KCTD8: variants seen among roughly 807,000 people sequenced by gnomAD.
The protein encoded by KCTD8 is potassium channel tetramerization domain containing 8.
In KCTD8, 27 loss-of-function variants were observed where a neutral mutation model predicts 31.5. The ratio of observed to expected loss-of-function variants is 0.86; its 90% confidence interval spans 0.63 to 1.18. The LOEUF (loss-of-function observed/expected upper bound fraction) is 1.18. Ranked by LOEUF, KCTD8 falls within the 50% of genes most tolerant of loss-of-function variation. The pLI is 0.00. For missense variants in KCTD8, 658 were observed against 647.7 expected (o/e 1.02, Z -0.17); for synonymous variants, 290 against 280.0 (o/e 1.04, Z -0.36).
chr4:44,199,180 G>C (rs1714044089), intron 1 of KCTD8, among the ~76,000 whole-genome samples: 1 of 151,960 alleles, frequency 6.6e-6, no homozygotes, highest in African/African-American at 2.4e-5. Context: ...AAAAGACATG[G>C]ACAACCACAC....
chr4:44,311,933 A>G (rs184251603), intron 1 of KCTD8, among the ~76,000 whole-genome samples: 2 of 151,410 alleles, frequency 1.3e-5, no homozygotes, highest in Admixed American at 6.6e-5. Flanking sequence ...ACCTGTGGTC[A>G]TAACTAGACT....
intron 1 of KCTD8, among the ~76,000 whole-genome samples, chr4:44,316,795 G>GGAA: frequency 2.5e-5 from 1 of 40,358 alleles, no homozygotes; most frequent in Non-Finnish European, 6.5e-5. Context: ...CTAAAAATAC[G>GGAA]AAAAAAAAAA....
chr4:44,311,282 C>T (rs1717943531), intron 1 of KCTD8, among the ~76,000 whole-genome samples: 1 of 152,028 alleles, frequency 6.6e-6, no homozygotes, highest in Non-Finnish European at 1.5e-5. Context: ...TCTCTCTCCC[C>T]ACCTTAATTT....
At chr4:44,337,950 G>C (rs983249412) in intron 1 of KCTD8, among the ~76,000 whole-genome samples, 3 of 151,870 alleles carry the variant, frequency 2.0e-5, no homozygotes, top group African/African-American at 4.8e-5. Flanking sequence ...ATGGATATGA[G>C]TGCTTAAGTA....
chr4:44,176,014 G>T (rs1268687020), intron 1 of KCTD8, among the ~76,000 whole-genome samples: 1 of 152,174 alleles, frequency 6.6e-6, no homozygotes, highest in African/African-American at 2.4e-5. Context: ...AATTCACAGT[G>T]TGTTTCCAAA....
At chr4:44,334,140 A>G (rs936102444) in intron 1 of KCTD8, among the ~76,000 whole-genome samples, 4 of 152,144 alleles carry the variant, frequency 2.6e-5, no homozygotes, top group Non-Finnish European at 4.4e-5. Context: ...GAGAGATACC[A>G]TAAATTTTTT....
At chr4:44,249,174 T>C (rs373403373) in intron 1 of KCTD8, among the ~76,000 whole-genome samples, 2 of 151,792 alleles carry the variant, frequency 1.3e-5, no homozygotes, top group African/African-American at 4.8e-5. Flanking sequence ...GCATGAATTA[T>C]AAAGTAAGAA....
In KCTD8 at chr4:44,192,522, GATAA is replaced by G. The variant is rs1354385002; in HGVS notation, c.962-17276_962-17273del. Among the ~76,000 whole-genome samples the G allele has an allele frequency of 6.1e-5, 9 of 147,468 alleles. No individual in the cohort carries two copies. The South Asian group carries it at 8.5e-4, about 14-fold the overall frequency. On this transcript the variant is annotated intron_variant, in intron 1 of 1. Coordinates refer to ENST00000360029, the MANE Select transcript of KCTD8 (RefSeq NM_198353.3). The stretch of plus-strand genomic sequence containing the variant: ...CACACACACACACACACACAGAACT[GATAA>G]ATAATTATGCAAGTGTGGTTAAACA...
chr4:44,259,740 C>T (rs1716106317), intron 1 of KCTD8, among the ~76,000 whole-genome samples: 1 of 151,780 alleles, frequency 6.6e-6, no homozygotes, highest in Non-Finnish European at 1.5e-5. Context: ...TTTATCACCA[C>T]TTATAAGAAA....
chr4:44,227,456 C>G (rs1291155605), intron 1 of KCTD8, among the ~76,000 whole-genome samples: 1 of 152,048 alleles, frequency 6.6e-6, no homozygotes, highest in Non-Finnish European at 1.5e-5. Context: ...GTAGTATGAT[C>G]CTCAAGGGAC....
At chr4:44,301,641 T>C (rs779516537) in intron 1 of KCTD8, among the ~76,000 whole-genome samples, 2 of 152,134 alleles carry the variant, frequency 1.3e-5, no homozygotes, top group African/African-American at 4.8e-5. Context: ...GAGTAGGTTG[T>C]GAAAATTTTC....
intron 1 of KCTD8, among the ~76,000 whole-genome samples, chr4:44,396,965 C>T (rs778392597): frequency 7.9e-5 from 12 of 152,118 alleles, no homozygotes; most frequent in Non-Finnish European, 1.3e-4. Context: ...AAGTATCACA[C>T]TCCAAGAATG....
At chr4:44,246,486 T>C (rs1281950703) in intron 1 of KCTD8, among the ~76,000 whole-genome samples, 1 of 152,018 alleles carries the variant, frequency 6.6e-6, no homozygotes, top group Non-Finnish European at 1.5e-5. Flanking sequence ...CCTACAAATA[T>C]CCTCTTTCAA....
chr4:44,305,235 G>A (rs1298705019), intron 1 of KCTD8, among the ~76,000 whole-genome samples: 4 of 151,152 alleles, frequency 2.6e-5, no homozygotes, highest in South Asian at 2.1e-4. Flanking sequence ...ATTAAAATAC[G>A]TGATAGATAT....
At chr4:44,349,323 G>C (rs1394232213) in intron 1 of KCTD8, among the ~76,000 whole-genome samples, 3 of 152,144 alleles carry the variant, frequency 2.0e-5, no homozygotes, top group African/African-American at 7.2e-5. Context: ...AAGGAAGGGA[G>C]TATGGGTGAG....
At chr4:44,327,157 T>C (rs2109410073) in intron 1 of KCTD8, among the ~76,000 whole-genome samples, 1 of 152,054 alleles carries the variant, frequency 6.6e-6, no homozygotes, top group South Asian at 2.1e-4. Flanking sequence ...AAGACATTCT[T>C]CTTTTTATAG....
At chr4:44,242,270 G>C (rs984251078) in intron 1 of KCTD8, among the ~76,000 whole-genome samples, 1 of 152,196 alleles carries the variant, frequency 6.6e-6, no homozygotes, top group African/African-American at 2.4e-5. Context: ...GGATATCAAA[G>C]CAAAGAAGTT....
At chr4:44,216,838 T>C (rs755712708) in intron 1 of KCTD8, among the ~76,000 whole-genome samples, 1 of 152,184 alleles carries the variant, frequency 6.6e-6, no homozygotes, top group Non-Finnish European at 1.5e-5. Flanking sequence ...TGAGTGCGCA[T>C]GAGACAGACG....
At chr4:44,358,517 T>C (rs1288127804) in intron 1 of KCTD8, among the ~76,000 whole-genome samples, 1 of 152,046 alleles carries the variant, frequency 6.6e-6, no homozygotes, top group Non-Finnish European at 1.5e-5. Context: ...ACCAACAGTG[T>C]CCAAGTGTTC....
Sources: allele counts gnomAD v4.1 joint callset (sites outside exome capture counted in the v4.1 genomes callset), GRCh38; gene constraint gnomAD v4.1.1; transcripts MANE v1.5; gene names NCBI Gene and HGNC (gene_info 2026-07-23, HGNC 2026-07-21).